The following GPC5 variants were observed in gnomAD, a reference collection of about 807,000 sequenced individuals.
The protein encoded by GPC5 is glypican-5.
In GPC5, 47 loss-of-function variants were observed where a neutral mutation model predicts 53.9. The ratio of observed to expected loss-of-function variants is 0.87; its 90% confidence interval spans 0.69 to 1.11. The LOEUF is 1.11. Among genes scored for constraint, GPC5 ranks in the 50% most tolerant of loss-of-function variants. GPC5 has a pLI of 0.00. For missense variants in GPC5, 748 were observed against 713.1 expected (o/e 1.05, Z -0.56); for synonymous variants, 286 against 263.3 (o/e 1.09, Z -0.84).
chr13:92,473,296 A>G (rs753679760), intron 7 of GPC5, among the ~76,000 whole-genome samples: 1 of 152,120 alleles, frequency 6.6e-6, no homozygotes, highest in African/African-American at 2.4e-5. Flanking sequence ...TTTGTGTTTC[A>G]GGAGTTATGG....
At chr13:91,822,642 G>T (rs1339348841) in intron 5 of GPC5, among the ~76,000 whole-genome samples, 2 of 152,030 alleles carry the variant, frequency 1.3e-5, no homozygotes, top group African/African-American at 4.8e-5. Context: ...CTACCCCTGT[G>T]CTGTTCTCAT....
rs189280394 is a variant in GPC5 at position 92,616,049 on chromosome 13, G to A, written c.1562-250233G>A. 4.1e-3 allele frequency among the ~76,000 whole-genome samples: 621 copies of A among 151,986 alleles called. 2 individuals are homozygous for A. Among genetic ancestry groups the A allele is most frequent in the Non-Finnish European group, 6.8e-3 (461 of 67,960 alleles). ...AGCCTGGGTGACAGAGCGAGACTCC[G>A]TCTCAAAAAATCAAACAAACAAACA... On this transcript the variant is annotated intron_variant, in intron 7 of 7. Coordinates refer to ENST00000377067, the MANE Select transcript of GPC5 (RefSeq NM_004466.6).
chr13:91,499,625 C>T (rs1884505503), intron 2 of GPC5, among the ~76,000 whole-genome samples: 1 of 152,172 alleles, frequency 6.6e-6, no homozygotes, highest in Admixed American at 6.5e-5. Flanking sequence ...CCATGTAAAT[C>T]ACGATGGCAA....
At chr13:91,511,349 G>A (rs556045770) in intron 2 of GPC5, among the ~76,000 whole-genome samples, 3 of 152,058 alleles carry the variant, frequency 2.0e-5, no homozygotes, top group Middle Eastern at 6.8e-3. Flanking sequence ...ATAATTATAT[G>A]TCCATTATTT....
At chr13:91,766,824 C>T (rs1263341437) in intron 5 of GPC5, among the ~76,000 whole-genome samples, 1 of 152,146 alleles carries the variant, frequency 6.6e-6, no homozygotes, top group African/African-American at 2.4e-5. Flanking sequence ...TGCACCACTG[C>T]ACTCCAGCCT....
chr13:92,695,913 C>T (rs1237375420), intron 7 of GPC5, among the ~76,000 whole-genome samples: 2 of 152,000 alleles, frequency 1.3e-5, no homozygotes, highest in African/African-American at 2.4e-5. Flanking sequence ...CATGTGTTCT[C>T]ATTGTCCAAC....
intron 2 of GPC5, among the ~76,000 whole-genome samples, chr13:91,653,308 CTTA>C (rs2034763376): frequency 6.6e-6 from 1 of 152,098 alleles, no homozygotes; most frequent in Non-Finnish European, 1.5e-5. Context: ...CCCCCACAGC[CTTA>C]ATTTCCATCA....
chr13:92,665,217 AAG>A (rs1444497751), intron 7 of GPC5, among the ~76,000 whole-genome samples: 35 of 152,208 alleles, frequency 2.3e-4, no homozygotes, highest in Admixed American at 2.3e-3. Flanking sequence ...AATGAAAAGA[AAG>A]AGGCATTAAC....
intron 7 of GPC5, among the ~76,000 whole-genome samples, chr13:92,676,591 C>A (rs1230629639): frequency 6.6e-6 from 1 of 152,182 alleles, no homozygotes; most frequent in East Asian, 1.9e-4. Flanking sequence ...CAGTTCGACT[C>A]GACTGTTAAG....
intron 4 of GPC5, among the ~76,000 whole-genome samples, chr13:91,749,129 A>G (rs1039973403): frequency 6.6e-6 from 1 of 152,148 alleles, no homozygotes; most frequent in Non-Finnish European, 1.5e-5. Flanking sequence ...TAGTGTAACC[A>G]TCATCCAAAT....
At chr13:92,530,460 G>A (rs1881521784) in intron 7 of GPC5, among the ~76,000 whole-genome samples, 1 of 152,042 alleles carries the variant, frequency 6.6e-6, no homozygotes, top group South Asian at 2.1e-4. Flanking sequence ...ATGAAGAATG[G>A]CATTGAAGTT....
At chr13:92,550,397 G>A (rs1251232420) in intron 7 of GPC5, among the ~76,000 whole-genome samples, 1 of 151,802 alleles carries the variant, frequency 6.6e-6, no homozygotes, top group Non-Finnish European at 1.5e-5. Context: ...TCATTTTGAA[G>A]AGTAGTTAGT....
At chr13:91,756,460 TC>T in intron 5 of GPC5, 40 bp downstream of exon 5, 1 of 1,498,494 alleles carries the variant, frequency 6.7e-7, no homozygotes, top group Non-Finnish European at 9.0e-7. Context: ...AGTTACATCA[TC>T]CTTGCTTTCT....
chr13:92,314,977 G>A (rs2043168861), intron 7 of GPC5, among the ~76,000 whole-genome samples: 2 of 152,022 alleles, frequency 1.3e-5, no homozygotes, highest in Admixed American at 1.3e-4. Context: ...GGGTGTTGCT[G>A]TGTTGCCCAG....
intron 7 of GPC5, among the ~76,000 whole-genome samples, chr13:92,247,091 C>T (rs1202590514): frequency 2.0e-5 from 3 of 152,104 alleles, no homozygotes; most frequent in African/African-American, 7.2e-5. Context: ...TAAAACTAAA[C>T]AATTATATCA....
At chr13:91,547,459 A>G (rs1220013802) in intron 2 of GPC5, among the ~76,000 whole-genome samples, 2 of 152,102 alleles carry the variant, frequency 1.3e-5, no homozygotes, top group Admixed American at 6.6e-5. Flanking sequence ...AAAGAAGTAG[A>G]CAACCTGAAT....
At chr13:91,780,439 A>T (rs543457650) in intron 5 of GPC5, among the ~76,000 whole-genome samples, 1 of 151,836 alleles carries the variant, frequency 6.6e-6, no homozygotes, top group South Asian at 2.1e-4. Context: ...ACTTTTTATT[A>T]TATTTTTTTA....
intron 7 of GPC5, among the ~76,000 whole-genome samples, chr13:92,218,649 A>T (rs1385192820): frequency 6.6e-6 from 1 of 152,162 alleles, no homozygotes; most frequent in Admixed American, 6.5e-5. Flanking sequence ...TCACTAGAAA[A>T]ATTTGGTGCT....
intron 5 of GPC5, among the ~76,000 whole-genome samples, chr13:91,899,639 G>A (rs1426565146): frequency 1.4e-4 from 22 of 152,062 alleles, no homozygotes; most frequent in Non-Finnish European, 2.8e-4. Context: ...ATTAACTCAA[G>A]GATTGAGATG....
Sources: allele counts gnomAD v4.1 joint callset (sites outside exome capture counted in the v4.1 genomes callset), GRCh38; gene constraint gnomAD v4.1.1; transcripts MANE v1.5; gene names NCBI Gene and HGNC (gene_info 2026-07-23, HGNC 2026-07-21).